Variants in KIAA0825 observed in about 807,000 individuals in gnomAD.
KIAA0825 encodes the protein uncharacterized protein KIAA0825.
A neutral mutation model predicts 147.6 loss-of-function variants in KIAA0825; 119 were observed. That is an observed-to-expected ratio of 0.81 (90% CI 0.69 to 0.94). The LOEUF (loss-of-function observed/expected upper bound fraction) is 0.94. KIAA0825 is among the 40% of genes least tolerant of loss of function. The probability of loss-of-function intolerance (pLI) is 0.00; values close to 1 mark genes in which losing one functional copy is unlikely to be tolerated. For synonymous variants in KIAA0825, 470 were observed against 518.1 expected (o/e 0.91, Z 1.26); for missense variants, 1,381 against 1,472.7 (o/e 0.94, Z 1.02).
chr5:94,393,625 A>G (rs966166724), intron 17 of KIAA0825, among the ~76,000 whole-genome samples: 1 of 151,896 alleles, frequency 6.6e-6, no homozygotes, highest in African/African-American at 2.4e-5. Context: ...TCTTAACAGA[A>G]GAACCATTTT....
At chr5:94,356,427 G>A (rs1271034990) in intron 20 of KIAA0825, among the ~76,000 whole-genome samples, 1 of 151,448 alleles carries the variant, frequency 6.6e-6, no homozygotes, top group East Asian at 2.0e-4. Context: ...CTAACATGGT[G>A]AAACCCCGTC....
intron 20 of KIAA0825, among the ~76,000 whole-genome samples, chr5:94,261,624 ATAGTC>A (rs1776496834): frequency 6.6e-6 from 1 of 152,182 alleles, no homozygotes; most frequent in South Asian, 2.1e-4. Flanking sequence ...AATAAATAAA[ATAGTC>A]TAGTCTCTTC....
In KIAA0825 at chr5:94,158,918, G is replaced by T. The variant is rs560582543; in HGVS notation, c.3711-4794C>A. Reference sequence around the variant, plus strand: ...AACAAGTGATAACTATTATGATGATGATTATTATTATTTGGCATATTGGTT... The same window carrying T: ...AACAAGTGATAACTATTATGATGATTATTATTATTATTTGGCATATTGGTT... On this transcript the variant is annotated intron_variant, in intron 20 of 20. Transcript: ENST00000682413. 1.6e-4 allele frequency among the ~76,000 whole-genome samples: 25 copies of T among 152,294 alleles called. No individual in the cohort carries two copies. The South Asian group carries it at 2.3e-3, about 14-fold the overall frequency.
At chr5:94,546,596 A>G (rs1774431631) in intron 2 of KIAA0825, among the ~76,000 whole-genome samples, 1 of 151,894 alleles carries the variant, frequency 6.6e-6, no homozygotes, top group Admixed American at 6.6e-5. Flanking sequence ...CTGTTTGATA[A>G]TCTAGTGAAT....
chr5:94,218,242 C>G (rs1050863186), intron 20 of KIAA0825, among the ~76,000 whole-genome samples: 2 of 152,130 alleles, frequency 1.3e-5, no homozygotes, highest in Admixed American at 6.6e-5. Context: ...TATAGTTTCC[C>G]GAGCTCAAAT....
At chr5:94,257,565 T>C (rs1428658187) in intron 20 of KIAA0825, among the ~76,000 whole-genome samples, 1 of 152,028 alleles carries the variant, frequency 6.6e-6, no homozygotes, top group African/African-American at 2.4e-5. Flanking sequence ...ATGCAAAAAA[T>C]TGGATTTGAG....
intron 20 of KIAA0825, among the ~76,000 whole-genome samples, chr5:94,354,629 C>T (rs938611203): frequency 6.6e-6 from 1 of 151,944 alleles, no homozygotes; most frequent in Admixed American, 6.6e-5. Context: ...GAATAGCCTA[C>T]GAAGGAAAAC....
intron 5 of KIAA0825, among the ~76,000 whole-genome samples, chr5:94,499,588 G>GA (rs975753341): frequency 7.9e-6 from 1 of 126,974 alleles, no homozygotes; most frequent in Non-Finnish European, 1.6e-5. Context: ...CCCAATCTGG[G>GA]GGGGGGGGGG....
chr5:94,254,646 C>T (rs995421700), intron 20 of KIAA0825, among the ~76,000 whole-genome samples: 13 of 152,026 alleles, frequency 8.6e-5, no homozygotes, highest in African/African-American at 1.7e-4. Flanking sequence ...AGCTAGACTT[C>T]GTAACATCTC....
chr5:94,274,645 A>G (rs907813224), intron 20 of KIAA0825, among the ~76,000 whole-genome samples: 14 of 151,970 alleles, frequency 9.2e-5, no homozygotes, highest in Non-Finnish European at 1.6e-4. Context: ...TAATCTATAA[A>G]ACCTTTCTAT....
chr5:94,544,734 T>G (rs1481946045), intron 2 of KIAA0825, among the ~76,000 whole-genome samples: 1 of 152,098 alleles, frequency 6.6e-6, no homozygotes, highest in South Asian at 2.1e-4. Context: ...AAGGCAAATA[T>G]GCAAAAAATT....
At chr5:94,302,174 G>C (rs187938123) in intron 20 of KIAA0825, among the ~76,000 whole-genome samples, 1 of 152,154 alleles carries the variant, frequency 6.6e-6, no homozygotes, top group Admixed American at 6.6e-5. Flanking sequence ...AAATACAGTA[G>C]AGATAAAATA....
At chr5:94,536,040 A>T (rs1187241134) in intron 3 of KIAA0825, among the ~76,000 whole-genome samples, 1 of 152,192 alleles carries the variant, frequency 6.6e-6, no homozygotes, top group African/African-American at 2.4e-5. Flanking sequence ...TTTGGTTTTT[A>T]ATGCTTATTC....
chr5:94,336,159 C>T (rs1781766484), intron 20 of KIAA0825, among the ~76,000 whole-genome samples: 1 of 151,986 alleles, frequency 6.6e-6, no homozygotes, highest in Non-Finnish European at 1.5e-5. Context: ...CACCTGAGGT[C>T]AGGAGTTTGA....
At chr5:94,440,671 GT>G (rs1756962335) in intron 13 of KIAA0825, among the ~76,000 whole-genome samples, 2 of 152,048 alleles carry the variant, frequency 1.3e-5, no homozygotes, top group African/African-American at 4.8e-5. Flanking sequence ...CTATTAAACT[GT>G]TACCTACTTG....
At chr5:94,302,563 G>A (rs181721049) in intron 20 of KIAA0825, among the ~76,000 whole-genome samples, 3 of 152,230 alleles carry the variant, frequency 2.0e-5, no homozygotes, top group African/African-American at 7.2e-5. Flanking sequence ...GGATCTGACT[G>A]AATAAAAATC....
At chr5:94,354,580 GAAAAC>G (rs1468243507) in intron 20 of KIAA0825, among the ~76,000 whole-genome samples, 28 of 151,980 alleles carry the variant, frequency 1.8e-4, no homozygotes, top group Admixed American at 3.9e-4. Context: ...AAAAAAATAA[GAAAAC>G]ATGACATATT....
chr5:94,264,298 T>A (rs1013917743), intron 20 of KIAA0825, among the ~76,000 whole-genome samples: 2 of 152,232 alleles, frequency 1.3e-5, no homozygotes, highest in Non-Finnish European at 2.9e-5. Context: ...GTTGGTTCAG[T>A]GGCCAAACTT....
Position 94,594,298 on chromosome 5 carries a change from T to C in KIAA0825, c.-152-11715A>G, listed in dbSNP as rs1206664541. 4.7e-6 allele frequency: 3 copies of C among 644,474 alleles called. No homozygotes were observed. In the East Asian group the frequency reaches 1.1e-4, roughly 24 times the overall value. The allele number at this position is 644,474 out of a possible 1,614,324, so 39.9% of individuals were successfully genotyped here. ...CCTGAGTTTCAGATCCCATGGTTTC[T>C]CGACTGCTTCTGTCAGCAATATAAT... On this transcript the variant is annotated intron_variant, in intron 1 of 20. Coordinates refer to ENST00000682413, the MANE Select transcript of KIAA0825 (RefSeq NM_001145678.3).
Sources: gnomAD v4.1 joint callset for allele counts (sites outside exome capture counted in the v4.1 genomes callset) on GRCh38, gnomAD v4.1.1 for gene constraint, MANE v1.5 for transcripts, NCBI Gene and HGNC (gene_info 2026-07-23, HGNC 2026-07-21) for gene names.